Variants in MBOAT7 observed in about 807,000 individuals in gnomAD.
The protein encoded by MBOAT7 is membrane-bound acylglycerophosphatidylinositol O-acyltransferase MBOAT7.
MBOAT7 carries 40 observed loss-of-function variants against 47.4 expected under a neutral mutation model. That is an observed-to-expected ratio of 0.84 (90% CI 0.66 to 1.10). The LOEUF is 1.10. Ranked by LOEUF, MBOAT7 falls within the 50% of genes least tolerant of loss-of-function variation. The pLI is 0.00. For synonymous variants in MBOAT7, 361 were observed against 292.0 expected (o/e 1.24, Z -2.41); for missense variants, 680 against 655.6 (o/e 1.04, Z -0.41).
rs762926192 is a variant in MBOAT7, at chr19:54,188,325, C to T, written c.98G>A (p.Gly33Glu). The change falls in exon 3 of 8, where the codon GGA becomes GAA. Residue 33 changes from glycine to glutamate, a missense_variant. Coordinates refer to ENST00000245615, the MANE Select transcript of MBOAT7 (RefSeq NM_024298.5). ...GAGCCCCAGGCCCACAGCGGCTGCT[C>T]CCCATCTCTTCAGCCCAGGACCTGC... is the stretch of plus-strand genomic sequence containing the variant. ...KKAGPGLKRW[G>E]AAAVGLGLTL... 1.9e-6 allele frequency: 3 copies of T among 1,613,912 alleles called. No individual in the cohort carries two copies. The South Asian group carries it at 3.3e-5, about 18-fold the overall frequency.
At position 54,174,060 on chromosome 19, in the gene MBOAT7, T is replaced by G. The variant is rs754722210; in HGVS notation, c.1403A>C (p.Lys468Thr). Residue 468 changes from lysine to threonine, a missense_variant, in exon 8 of 8, where the codon AAG becomes ACG. Transcript: ENST00000245615. ...CGTGACAGCTTACTCCTCCCGGAGC[T>G]TCTCCGGGGCAAGGCTGGTGGGCTG... ...ASQPTSLAPE[K>T]LREE 6.3e-6 allele frequency: 10 copies of G among 1,599,040 alleles called. 1 individual carries two copies. The highest frequency in any genetic ancestry group is 8.5e-6 in the Non-Finnish European group (10 of 1,174,416).
At chr19:54,176,650 G>A (rs1461156292) in intron 7 of MBOAT7, among the ~76,000 whole-genome samples, 1 of 152,166 alleles carries the variant, frequency 6.6e-6, no homozygotes, top group African/African-American at 2.4e-5. Flanking sequence ...TCCAGGGATT[G>A]CCATGTGTCT....
chr19:54,175,188 C>G (rs577472031), intron 7 of MBOAT7, among the ~76,000 whole-genome samples: 1 of 152,068 alleles, frequency 6.6e-6, no homozygotes, highest in Non-Finnish European at 1.5e-5. Flanking sequence ...CCGTGTTAGC[C>G]AGGATGGTCT....
rs931401353 is a variant in MBOAT7, at chr19:54,178,245, G to T, written c.1031+520C>A. On this transcript the variant is annotated intron_variant, in intron 7 of 7. Transcript: ENST00000245615. ...TTCTAAAGGCTGCACAGATAACAGT[G>T]TCAAGCACAGAGTCTCCACTCGAGA... is the stretch of plus-strand genomic sequence containing the variant. 8 of 993,800 alleles carry T rather than the reference G, an allele frequency of 8.0e-6. No homozygotes were observed. In the African/African-American group the frequency reaches 1.4e-4, roughly 17 times the overall value. 61.6% of individuals were successfully genotyped at this position (993,800 alleles called of 1,614,324 possible).
chr19:54,187,214 G>A lies in MBOAT7; in HGVS notation c.280C>T (p.Leu94=). 6.2e-7 allele frequency: 1 copy of A among 1,603,068 alleles called. No individual in the cohort carries two copies. The highest frequency in any genetic ancestry group is 1.7e-5 in the Admixed American group (1 of 58,450). ...LFFRALSLLG[L]PTPTPFTNAV... is the part of the protein sequence containing the mutation. ...TTGGTGAAGGGCGTGGGAGTGGGCAGGCCCAGGAGGCTGAGGGCTCGGAAG... is the reference window on the plus strand; with the variant it reads ...TTGGTGAAGGGCGTGGGAGTGGGCAAGCCCAGGAGGCTGAGGGCTCGGAAG... Residue 94 remains leucine (L), a synonymous_variant, in exon 4 of 8, where the codon CTG becomes TTG. Coordinates refer to ENST00000245615, the MANE Select transcript of MBOAT7 (RefSeq NM_024298.5).
At chr19:54,175,241 G>A (rs960243464) in intron 7 of MBOAT7, among the ~76,000 whole-genome samples, 1 of 152,164 alleles carries the variant, frequency 6.6e-6, no homozygotes, top group Non-Finnish European at 1.5e-5. Flanking sequence ...GCCTCCCAAA[G>A]TGCTGGGATC....
At position 54,187,289 on chromosome 19, in the gene MBOAT7, TG is replaced by T; in HGVS notation, c.207-3del. 6.2e-7 allele frequency: 1 copy of T among 1,607,988 alleles called. No homozygotes were observed. The highest frequency in any genetic ancestry group is 8.5e-7 in the Non-Finnish European group (1 of 1,177,380). ...GCCAGAGCCAGGGCGTGGCAGGAGCTGGGCAAAAGCAGGAGGCGCACTGTGT... is the reference window on the plus strand; with the variant it reads ...GCCAGAGCCAGGGCGTGGCAGGAGCTGGCAAAAGCAGGAGGCGCACTGTGT... On this transcript the variant is annotated splice_region_variant and splice_polypyrimidine_tract_variant and intron_variant, in intron 3 of 7. Transcript: ENST00000245615.
chr19:54,188,102 C>A, intron 3 of MBOAT7, 115 bp downstream of exon 3: 3 of 948,896 alleles, frequency 3.2e-6, no homozygotes, highest in Non-Finnish European at 4.7e-6. Flanking sequence ...GAGAAATGAG[C>A]TGATCAACAA....
chr19:54,177,283 G>C (rs558786837), intron 7 of MBOAT7, among the ~76,000 whole-genome samples: 1 of 151,698 alleles, frequency 6.6e-6, no homozygotes. Flanking sequence ...ATTTTTGTTT[G>C]TTTTTTGTGT....
chr19:54,178,308 C>T (rs569755444), intron 7 of MBOAT7: 6 of 1,025,896 alleles, frequency 5.8e-6, no homozygotes, highest in Non-Finnish European at 7.0e-6. Context: ...AATGAATACA[C>T]AGCACGCACT....
At chr19:54,176,135 C>T (rs943167997) in intron 7 of MBOAT7, among the ~76,000 whole-genome samples, 1 of 151,908 alleles carries the variant, frequency 6.6e-6, no homozygotes. Flanking sequence ...GATTACAGGT[C>T]TGAGCCACCG....
At chr19:54,178,992 C>A in intron 6 of MBOAT7, 51 bp from the exon 7 acceptor site, 2 of 1,592,280 alleles carry the variant, frequency 1.3e-6, no homozygotes, top group Non-Finnish European at 1.7e-6. Flanking sequence ...TCAGCCAGGC[C>A]CCCTCCCGAC....
intron 7 of MBOAT7, among the ~76,000 whole-genome samples, chr19:54,176,344 C>T (rs111371118): frequency 5.3e-5 from 8 of 151,970 alleles, no homozygotes; most frequent in South Asian, 2.1e-4. Context: ...TTCAAGAGTG[C>T]GGAGGCTGGG....
chr19:54,180,787 G>A lies in MBOAT7; in HGVS notation c.840C>T (p.Cys280=). Residue 280 remains cysteine (C), a synonymous_variant, in exon 6 of 8, where the codon TGC becomes TGT. Coordinates refer to ENST00000245615, the MANE Select transcript of MBOAT7 (RefSeq NM_024298.5). This position sits in a 1 kb window ranked among gnomAD's most constrained non-coding sequence, Gnocchi z 5.2. ...CGCCGCCTGACCTGCTGGGGGGTGGGCATTGGAGGGTGGGGCCGCCTCCGG... is the reference window on the plus strand; with the variant it reads ...CGCCGCCTGACCTGCTGGGGGGTGGACATTGGAGGGTGGGGCCGCCTCCGG... The part of the protein sequence containing the change: ...ARAGGGPTLQ[C]PPPSSPEKAA... The A allele has an allele frequency of 2.6e-6, 4 of 1,546,536 alleles. No individual in the cohort carries two copies. The highest frequency in any genetic ancestry group is 3.5e-6 in the Non-Finnish European group (4 of 1,151,776).
chr19:54,174,054 C>T lies in MBOAT7; in HGVS notation c.1409G>A (p.Arg470Gln), dbSNP rs1357441531. ...QPTSLAPEKL[R>Q]EE is the part of the protein sequence containing the mutation. Reference sequence around the variant, plus strand: ...GAGCGTCGTGACAGCTTACTCCTCCCGGAGCTTCTCCGGGGCAAGGCTGGT... The same window carrying T: ...GAGCGTCGTGACAGCTTACTCCTCCTGGAGCTTCTCCGGGGCAAGGCTGGT... The change falls in exon 8 of 8, where the codon CGG (arginine) becomes CAG (glutamine). Residue 470 changes from arginine (R) to glutamine (Q), a missense_variant. By Grantham distance (43) the Arg-to-Gln change is conservative. Coordinates refer to ENST00000245615, the MANE Select transcript of MBOAT7 (RefSeq NM_024298.5). 1.3e-5 allele frequency: 20 copies of T among 1,596,112 alleles called. No individual in the cohort carries two copies. The highest frequency in any genetic ancestry group is 4.5e-5 in the East Asian group (2 of 44,220).
intron 3 of MBOAT7, 121 bp from the exon 4 acceptor site, chr19:54,187,408 C>G: frequency 7.9e-7 from 1 of 1,269,388 alleles, no homozygotes; most frequent in South Asian, 1.5e-5. Context: ...GACAGAAACA[C>G]AGAAGGGCAG....
At chr19:54,176,338 A>G (rs2076107877) in intron 7 of MBOAT7, among the ~76,000 whole-genome samples, 1 of 152,012 alleles carries the variant, frequency 6.6e-6, no homozygotes, top group Non-Finnish European at 1.5e-5. Flanking sequence ...TGGTTCTTCA[A>G]GAGTGCGGAG....
In MBOAT7 at chr19:54,181,069, G is replaced by A; in HGVS notation, c.558C>T (p.Pro186=). Residue 186 remains proline, a synonymous_variant, in exon 6 of 8, where the codon CCC becomes CCT. Coordinates refer to ENST00000245615, the MANE Select transcript of MBOAT7 (RefSeq NM_024298.5). ...CGCGGCGCAGCAGGGGCCGCAGGCT[G>A]GGCACTGCCCCGGGGAAGGGCTGCT... The part of the protein sequence containing the change: ...WLEQPFPGAV[P]SLRPLLRRAW... The A allele has an allele frequency of 6.5e-7, 1 of 1,534,250 alleles. No homozygotes were observed. The highest frequency in any genetic ancestry group is 8.8e-7 in the Non-Finnish European group (1 of 1,140,236).
In MBOAT7 at chr19:54,187,160, C is replaced by A. The variant is rs752979283; in HGVS notation, c.333+1G>T. On this transcript the variant is annotated splice_donor_variant, in intron 4 of 7. Coordinates refer to ENST00000245615, the MANE Select transcript of MBOAT7 (RefSeq NM_024298.5). LOFTEE classifies it high-confidence loss of function. ...GGGGAGTGGCAAGCCCCGAGTCTGA[C>A]CTTCAGCGTCAGCAGCAGCTGGACG... 1.3e-6 allele frequency: 2 copies of A among 1,561,682 alleles called. No homozygotes were observed. The highest frequency in any genetic ancestry group is 1.7e-6 in the Non-Finnish European group (2 of 1,156,042).
Sources: gnomAD v4.1 joint callset for allele counts (sites outside exome capture counted in the v4.1 genomes callset) on GRCh38, gnomAD v4.1.1 for gene constraint, Gnocchi (gnomAD v3.1) non-coding constraint, MANE v1.5 for transcripts, NCBI Gene and HGNC (gene_info 2026-07-23, HGNC 2026-07-21) for gene names.